MVB12B: variants seen among roughly 807,000 people sequenced by gnomAD.
The protein encoded by MVB12B is multivesicular body subunit 12B.
A neutral mutation model predicts 41.6 loss-of-function variants in MVB12B; 16 were observed. The observed-to-expected ratio is 0.38, with a 90% CI of 0.26 to 0.58. MVB12B has a LOEUF of 0.58. Ranked by LOEUF, MVB12B falls within the 20% of genes least tolerant of loss-of-function variation. The pLI is 0.62. For synonymous variants in MVB12B, 133 were observed against 139.7 expected (o/e 0.95, Z 0.34); for missense variants, 274 against 380.2 (o/e 0.72, Z 2.32).
At chr9:126,431,265 C>T (rs1471964780) in intron 7 of MVB12B, among the ~76,000 whole-genome samples, 1 of 152,246 alleles carries the variant, frequency 6.6e-6, no homozygotes, top group Admixed American at 6.5e-5. Flanking sequence ...TTCTGTCACG[C>T]ATCACCACTT....
chr9:126,494,806 C>T (rs1833795770), intron 9 of MVB12B, among the ~76,000 whole-genome samples: 1 of 152,006 alleles, frequency 6.6e-6, no homozygotes, highest in Admixed American at 6.6e-5. Context: ...TACAAAGACT[C>T]ACTTTTTAGG....
intron 7 of MVB12B, among the ~76,000 whole-genome samples, chr9:126,446,739 G>C (rs1317701347): frequency 6.6e-6 from 1 of 151,504 alleles, no homozygotes; most frequent in Non-Finnish European, 1.5e-5. Flanking sequence ...TTTTACTTAA[G>C]AGTTTGTATT....
chr9:126,422,546 T>A (rs1234665923), intron 7 of MVB12B, among the ~76,000 whole-genome samples: 1 of 152,212 alleles, frequency 6.6e-6, no homozygotes, highest in African/African-American at 2.4e-5. Context: ...CATTAGGTGC[T>A]TGGCAGCACA....
At chr9:126,373,383 G>A (rs563493906) in intron 2 of MVB12B, among the ~76,000 whole-genome samples, 5 of 152,362 alleles carry the variant, frequency 3.3e-5, no homozygotes, top group South Asian at 4.1e-4. Context: ...ACAGTTGCCC[G>A]CTGTCTGGCC....
chr9:126,410,533 C>T (rs1314729463), intron 6 of MVB12B, among the ~76,000 whole-genome samples: 1 of 152,152 alleles, frequency 6.6e-6, no homozygotes, highest in African/African-American at 2.4e-5. Context: ...TGCAAGTGCC[C>T]AGTGAGTAGT....
At chr9:126,403,136 G>A (rs1831314844) in intron 6 of MVB12B, among the ~76,000 whole-genome samples, 1 of 152,144 alleles carries the variant, frequency 6.6e-6, no homozygotes, top group African/African-American at 2.4e-5. Flanking sequence ...AACTGCACTG[G>A]GGTTTTCAGA....
rs1404072478 is a variant in MVB12B at position 126,389,625 on chromosome 9, C to T, written c.410-2441C>T. Among the ~76,000 whole-genome samples, 2 of 152,202 alleles carry T rather than the reference C, an allele frequency of 1.3e-5. No homozygotes were observed. Among genetic ancestry groups the T allele is most frequent in the African/African-American group, 4.8e-5 (2 of 41,442 alleles). ...AGCAGCGTGGCAACAGCAAGTGAAA[C>T]ACCCGGCGTTAGTTTTCTTTGTGTA... On this transcript the variant is annotated intron_variant, in intron 4 of 9. Transcript: ENST00000361171. This position sits in a 1 kb window ranked among gnomAD's most constrained non-coding sequence, Gnocchi z 4.4.
intron 7 of MVB12B, among the ~76,000 whole-genome samples, chr9:126,464,085 A>G (rs1833144265): frequency 6.6e-6 from 1 of 152,130 alleles, no homozygotes; most frequent in Admixed American, 6.5e-5. Flanking sequence ...GGCCTTGGCT[A>G]CTGAGAGTTC....
intron 2 of MVB12B, among the ~76,000 whole-genome samples, chr9:126,374,709 A>C (rs1327822124): frequency 6.6e-6 from 1 of 152,210 alleles, no homozygotes; most frequent in Non-Finnish European, 1.5e-5. Context: ...CTGGACTTGC[A>C]GCTTTGGACA....
At chr9:126,472,142 G>A (rs1326423690) in intron 7 of MVB12B, among the ~76,000 whole-genome samples, 5 of 152,120 alleles carry the variant, frequency 3.3e-5, no homozygotes, top group African/African-American at 1.2e-4. Context: ...GTATTCCGGG[G>A]CAATGGGTGG....
At chr9:126,447,094 A>G (rs1055649846) in intron 7 of MVB12B, among the ~76,000 whole-genome samples, 8 of 150,480 alleles carry the variant, frequency 5.3e-5, no homozygotes, top group African/African-American at 1.9e-4. Flanking sequence ...ACAGGTGCGC[A>G]CCACTATGCC....
At chr9:126,399,594 T>C (rs773320729) in intron 6 of MVB12B, among the ~76,000 whole-genome samples, 29 of 152,092 alleles carry the variant, frequency 1.9e-4, no homozygotes, top group Non-Finnish European at 5.9e-5. Flanking sequence ...CTGTTTCTGC[T>C]GGGAAGAAGA....
At chr9:126,419,989 C>T (rs959061397) in intron 6 of MVB12B, among the ~76,000 whole-genome samples, 24 of 152,172 alleles carry the variant, frequency 1.6e-4, no homozygotes, top group Admixed American at 8.5e-4. Flanking sequence ...CTGGCCCTGC[C>T]TGCATTTCTA....
intron 1 of MVB12B, among the ~76,000 whole-genome samples, chr9:126,330,303 T>TGA (rs1357942532): frequency 1.3e-4 from 6 of 44,792 alleles, no homozygotes; most frequent in Non-Finnish European, 2.8e-4. Flanking sequence ...CTTTCTTTCT[T>TGA]TACACACACA....
At chr9:126,482,842 G>T (rs958775242) in intron 8 of MVB12B, among the ~76,000 whole-genome samples, 1 of 152,256 alleles carries the variant, frequency 6.6e-6, no homozygotes, top group Non-Finnish European at 1.5e-5. Flanking sequence ...ACCCAGCCAG[G>T]CCCGGTGCCC....
At chr9:126,400,806 C>T (rs749520904) in intron 6 of MVB12B, among the ~76,000 whole-genome samples, 9 of 152,206 alleles carry the variant, frequency 5.9e-5, no homozygotes, top group Non-Finnish European at 7.3e-5. Flanking sequence ...CCTCCCACAA[C>T]GTCCGGGGCC....
Position 126,349,014 on chromosome 9 carries a change from C to G in MVB12B, c.204+8384C>G, listed in dbSNP as rs533188719. The stretch of plus-strand genomic sequence containing the variant: ...ACTCGCAGTTCCCAAGAGGAGCAGA[C>G]AGGCCACACCCTGTAGGGCCACCTG... On this transcript the variant is annotated intron_variant, in intron 2 of 9. Transcript: ENST00000361171. 9.9e-5 allele frequency among the ~76,000 whole-genome samples: 15 copies of G among 152,216 alleles called. No individual in the cohort carries two copies. In the South Asian group the frequency reaches 3.1e-3, roughly 32 times the overall value.
intron 9 of MVB12B, among the ~76,000 whole-genome samples, chr9:126,492,931 T>C (rs1833763405): frequency 6.6e-6 from 1 of 152,246 alleles, no homozygotes; most frequent in Non-Finnish European, 1.5e-5. Flanking sequence ...GAGCGTCTTC[T>C]GCTCGCTCTC....
intron 1 of MVB12B, among the ~76,000 whole-genome samples, chr9:126,332,767 A>G (rs894171470): frequency 6.7e-6 from 1 of 150,210 alleles, no homozygotes; most frequent in African/African-American, 2.5e-5. Context: ...GAAACTTGGC[A>G]ATTTTGAGAG....
Sources: gnomAD v4.1 joint callset for allele counts (sites outside exome capture counted in the v4.1 genomes callset) on GRCh38, gnomAD v4.1.1 for gene constraint, Gnocchi (gnomAD v3.1) non-coding constraint, MANE v1.5 for transcripts, NCBI Gene and HGNC (gene_info 2026-07-23, HGNC 2026-07-21) for gene names.